The following ITGA11 variants were observed in gnomAD, a reference collection of about 807,000 sequenced individuals.
The protein encoded by ITGA11 is integrin subunit alpha 11, also known as integrin alpha-11.
Under a neutral mutation model 141.9 loss-of-function variants are expected in ITGA11, and 97 were observed. The observed-to-expected ratio is 0.68, with a 90% CI of 0.58 to 0.81. ITGA11 has a LOEUF of 0.81. Among genes scored for constraint, ITGA11 ranks in the 30% least tolerant of loss-of-function variants. The pLI is 0.00. For synonymous variants in ITGA11, 658 were observed against 624.6 expected (o/e 1.05, Z -0.80); for missense variants, 1,387 against 1,559.2 (o/e 0.89, Z 1.86).
chr15:68,421,761 C>T (rs945561827), intron 1 of ITGA11, among the ~76,000 whole-genome samples: 2 of 152,038 alleles, frequency 1.3e-5, no homozygotes, highest in African/African-American at 2.4e-5. Context: ...GACAGATCTA[C>T]GCTGAAAAGA....
chr15:68,321,472 T>C lies in ITGA11; in HGVS notation c.2354A>G (p.Glu785Gly). 1 of 1,595,656 alleles carries C rather than the reference T, an allele frequency of 6.3e-7. No homozygotes were observed. Among genetic ancestry groups the C allele is most frequent in the East Asian group, 2.3e-5 (1 of 43,006 alleles). Residue 785 changes from glutamate (E) to glycine (G), a missense_variant, in exon 19 of 30, where the codon GAG becomes GGG. By Grantham distance (98) the Glu-to-Gly change is moderately conservative. Transcript: ENST00000315757. This position sits in a 1 kb window ranked among gnomAD's most constrained non-coding sequence, Gnocchi z 4.9. The stretch of plus-strand genomic sequence containing the variant: ...CAACACAAGGTCAGGGACACAGTGC[T>C]CATCCTCATTGCAGCCGTTCCAGAA... The part of the protein sequence containing the change: ...VPFWNGCNED[E>G]HCVPDLVLDA...
intron 2 of ITGA11, among the ~76,000 whole-genome samples, chr15:68,391,426 C>T (rs771559168): frequency 6.6e-6 from 1 of 152,166 alleles, no homozygotes; most frequent in African/African-American, 2.4e-5. Context: ...GTTCAACTGC[C>T]CTCTTCCATG....
chr15:68,403,049 G>A lies in ITGA11; in HGVS notation c.53-20C>T, dbSNP rs747871347. On this transcript the variant is annotated intron_variant, in intron 1 of 29. Transcript: ENST00000315757. ...TGAACCCTGAGGCAGGGGGAGAGGAGAGGAGAAGCAGGGGAGTCAGACAGG... is the reference window on the plus strand; with the variant it reads ...TGAACCCTGAGGCAGGGGGAGAGGAAAGGAGAAGCAGGGGAGTCAGACAGG... 19 of 1,552,334 alleles carry A rather than the reference G, an allele frequency of 1.2e-5. No individual in the cohort carries two copies. Among genetic ancestry groups the A allele is most frequent in the Non-Finnish European group, 1.7e-5 (19 of 1,127,040 alleles).
rs1567125744 is a variant in ITGA11 at position 68,317,289 on chromosome 15, A to AT, written c.2690dup (p.Tyr897Ter). The change falls in exon 21 of 30, where the codon TAT (tyrosine) becomes TAAT (stop). Residue 897 changes from tyrosine (Y) to a stop codon, truncating the protein, a stop_gained and frameshift_variant. Coordinates refer to ENST00000315757, the MANE Select transcript of ITGA11 (RefSeq NM_001004439.2). LOFTEE classifies it high-confidence loss of function. ...CCTTGGCCTTGGCCCGGAAGAAGGG[A>AT]TAGCTGACGTTGCAGACTTGCTTCT... ...RLQKQVCNVS[Y>*]PFFRAKAKVA... The AT allele has an allele frequency of 1.2e-6, 2 of 1,611,626 alleles. No individual in the cohort carries two copies. The highest frequency in any genetic ancestry group is 1.1e-5 in the South Asian group (1 of 91,044).
chr15:68,339,605 T>G lies in ITGA11; in HGVS notation c.1171A>C (p.Asn391His). The part of the protein sequence containing the change: ...LLGAVGAYDW[N>H]GAVLKETSAG... ...CTCGTCTCCTTTAGCACAGCTCCAT[T>G]CCAGTCATAGGCACCGACGGCTCCC... The change falls in exon 11 of 30, where the codon AAT becomes CAT. Residue 391 changes from asparagine to histidine, a missense_variant. Asn to His is a moderately conservative substitution (Grantham distance 68). Transcript: ENST00000315757. The G allele has an allele frequency of 1.2e-6, 2 of 1,613,890 alleles. No homozygotes were observed. Among genetic ancestry groups the G allele is most frequent in the Non-Finnish European group, 1.7e-6 (2 of 1,179,878 alleles).
intron 23 of ITGA11, 71 bp downstream of exon 23, chr15:68,313,708 C>G: frequency 8.5e-7 from 1 of 1,174,696 alleles, no homozygotes; most frequent in Non-Finnish European, 1.2e-6. Flanking sequence ...TCAGAGGATG[C>G]CCCCCCTTAG....
intron 25 of ITGA11, 88 bp downstream of exon 25, chr15:68,311,202 G>A: frequency 7.9e-7 from 1 of 1,259,040 alleles, no homozygotes; most frequent in East Asian, 2.5e-5. Context: ...GAAGGGAGCT[G>A]GGGTCTGGGA....
intron 11 of ITGA11, among the ~76,000 whole-genome samples, chr15:68,338,350 T>C (rs1894441004): frequency 6.6e-6 from 1 of 152,244 alleles, no homozygotes; most frequent in South Asian, 2.1e-4. Context: ...CATGTCTGTG[T>C]CTCCCACTGG....
chr15:68,398,200 C>A (rs1182007238), intron 2 of ITGA11, among the ~76,000 whole-genome samples: 1 of 151,736 alleles, frequency 6.6e-6, no homozygotes, highest in Non-Finnish European at 1.5e-5. Context: ...TTAAAAGACA[C>A]AGACTGGCAA....
chr15:68,406,438 T>G (rs1370195205), intron 1 of ITGA11, among the ~76,000 whole-genome samples: 1 of 152,168 alleles, frequency 6.6e-6, no homozygotes, highest in Non-Finnish European at 1.5e-5. Flanking sequence ...TTGCCGTGGC[T>G]GTTCCCTCTT....
chr15:68,361,613 T>C lies in ITGA11; in HGVS notation c.449A>G (p.Lys150Arg). ...ACTTTGGAGAGCTGGGGCCACGGTC[T>C]TGGAGAACCTGAAGTTGGAGTTGAC... ...SRVNSNFRFS[K>R]TVAPALQRCQ... Residue 150 changes from lysine to arginine, a missense_variant, in exon 5 of 30, where the codon AAG becomes AGG. Transcript: ENST00000315757. 5.0e-6 allele frequency: 8 copies of C among 1,608,310 alleles called. No individual in the cohort carries two copies. The highest frequency in any genetic ancestry group is 6.8e-6 in the Non-Finnish European group (8 of 1,177,310).
intron 2 of ITGA11, among the ~76,000 whole-genome samples, chr15:68,376,764 C>T (rs116326980): frequency 6.6e-5 from 10 of 152,222 alleles, no homozygotes; most frequent in African/African-American, 2.4e-4. Flanking sequence ...GAATATTATA[C>T]CTGGTCTGCT....
intron 1 of ITGA11, among the ~76,000 whole-genome samples, chr15:68,418,571 C>T (rs997647191): frequency 8.4e-5 from 11 of 130,938 alleles, no homozygotes; most frequent in African/African-American, 3.1e-4. Context: ...TTACCCACCC[C>T]CCCACCCCCT....
At chr15:68,350,360 A>AT (rs957609152) in intron 9 of ITGA11, among the ~76,000 whole-genome samples, 48 of 143,604 alleles carry the variant, frequency 3.3e-4, no homozygotes, top group African/African-American at 7.7e-4. Context: ...AATTTTTGTA[A>AT]TTTTTTTTTT....
intron 11 of ITGA11, 41 bp downstream of exon 11, chr15:68,339,459 G>C (rs769263863): frequency 6.3e-7 from 1 of 1,582,352 alleles, no homozygotes; most frequent in Non-Finnish European, 8.6e-7. Flanking sequence ...GTGCCCTCCC[G>C]GCCCACGACC....
intron 2 of ITGA11, among the ~76,000 whole-genome samples, chr15:68,369,813 C>T (rs903509865): frequency 7.3e-5 from 11 of 151,104 alleles, no homozygotes; most frequent in African/African-American, 2.7e-4. Flanking sequence ...CGGAAGCTGC[C>T]ATGCAGCTGG....
At chr15:68,420,177 G>A (rs1344848033) in intron 1 of ITGA11, among the ~76,000 whole-genome samples, 1 of 152,142 alleles carries the variant, frequency 6.6e-6, no homozygotes, top group African/African-American at 2.4e-5. Context: ...GTGGCATATA[G>A]ATGATGTCTG....
rs750558014 is a variant in ITGA11, at chr15:68,335,762, C to A, written c.1360G>T (p.Val454Phe). Residue 454 changes from valine to phenylalanine, a missense_variant, in exon 12 of 30, where the codon GTC becomes TTC. By Grantham distance (50) the Val-to-Phe change is conservative (BLOSUM62 -1). Transcript: ENST00000315757. This position sits in a 1 kb window ranked among gnomAD's most constrained non-coding sequence, Gnocchi z 4.9. ...GAPRFNHTGKVILFTMHNNRS... is the reference protein window; with the variant it reads ...GAPRFNHTGKFILFTMHNNRS... ...TTGTTGTGCATGGTGAACAGGATGACCTTGCCCGTGTGGTTGAACCGGGGG... is the reference window on the plus strand; with the variant it reads ...TTGTTGTGCATGGTGAACAGGATGAACTTGCCCGTGTGGTTGAACCGGGGG... 5.6e-6 allele frequency: 9 copies of A among 1,613,794 alleles called. No homozygotes were observed. The highest frequency in any genetic ancestry group is 1.7e-5 in the Admixed American group (1 of 59,996).
At chr15:68,366,004 TCAGACA>T (rs1380418068) in intron 3 of ITGA11, among the ~76,000 whole-genome samples, 2 of 152,172 alleles carry the variant, frequency 1.3e-5, no homozygotes, top group Non-Finnish European at 2.9e-5. Context: ...GCCCAGCTTG[TCAGACA>T]CAGACTGTTT....
Sources: allele counts gnomAD v4.1 joint callset (sites outside exome capture counted in the v4.1 genomes callset), GRCh38; gene constraint gnomAD v4.1.1; non-coding constraint Gnocchi (gnomAD v3.1); transcripts MANE v1.5; gene names NCBI Gene and HGNC (gene_info 2026-07-23, HGNC 2026-07-21).